Variants in ADAMTSL3 observed in about 807,000 individuals in gnomAD.
ADAMTSL3 encodes ADAMTS like 3.
ADAMTSL3 carries 128 observed loss-of-function variants against 201.7 expected under a neutral mutation model. The ratio of observed to expected loss-of-function variants is 0.63; its 90% CI spans 0.55 to 0.73. The LOEUF (loss-of-function observed/expected upper bound fraction) is 0.73. Among genes scored for constraint, ADAMTSL3 ranks in the 30% least tolerant of loss-of-function variants. ADAMTSL3 has a pLI of 0.00. For missense variants in ADAMTSL3, 1,990 were observed against 2,119.6 expected (o/e 0.94, Z 1.20); for synonymous variants, 738 against 748.4 (o/e 0.99, Z 0.23).
chr15:84,036,539 C>G (rs185201923), intron 28 of ADAMTSL3, among the ~76,000 whole-genome samples: 1 of 152,302 alleles, frequency 6.6e-6, no homozygotes, highest in East Asian at 1.9e-4. Context: ...TTGCCATGCC[C>G]TCTTCATCAG....
At chr15:83,702,612 A>G (rs1245670486) in intron 2 of ADAMTSL3, among the ~76,000 whole-genome samples, 1 of 152,114 alleles carries the variant, frequency 6.6e-6, no homozygotes. Context: ...CAGAGGGTGG[A>G]AGCCCCAAGT....
At chr15:83,715,600 A>C (rs1225041434) in intron 3 of ADAMTSL3, among the ~76,000 whole-genome samples, 1 of 152,190 alleles carries the variant, frequency 6.6e-6, no homozygotes, top group Non-Finnish European at 1.5e-5. Context: ...TCTCATCACT[A>C]TAGCTCCAGA....
chr15:83,817,635 T>C (rs1215736597), intron 5 of ADAMTSL3, among the ~76,000 whole-genome samples: 1 of 152,194 alleles, frequency 6.6e-6, no homozygotes, highest in Non-Finnish European at 1.5e-5. Flanking sequence ...TTTAATAGTT[T>C]CATCTGCTGA....
chr15:83,738,368 A>G (rs191939306), intron 3 of ADAMTSL3, among the ~76,000 whole-genome samples: 7 of 152,320 alleles, frequency 4.6e-5, no homozygotes, highest in Admixed American at 6.5e-5. Context: ...TTATGTGTAT[A>G]TAAGCAATTT....
chr15:84,025,233 C>T lies in ADAMTSL3; in HGVS notation c.4458-5C>T, dbSNP rs753656947. 4.4e-6 allele frequency: 7 copies of T among 1,588,848 alleles called. No individual in the cohort carries two copies. Among genetic ancestry groups the T allele is most frequent in the Admixed American group, 1.8e-5 (1 of 56,120 alleles). On this transcript the variant is annotated splice_region_variant and splice_polypyrimidine_tract_variant and intron_variant, in intron 26 of 29. Transcript: ENST00000286744. ...TTACTAAAGTCCTGTAGTTTTTGTT[C>T]CTAGGTGGTTCACAAGTGTGTGGTC...
intron 3 of ADAMTSL3, among the ~76,000 whole-genome samples, chr15:83,749,434 A>G (rs954583482): frequency 6.6e-6 from 1 of 152,214 alleles, no homozygotes; most frequent in African/African-American, 2.4e-5. Context: ...ACATGTCACC[A>G]TAGGAAGAAT....
chr15:83,768,453 G>A (rs2062926115), intron 3 of ADAMTSL3, among the ~76,000 whole-genome samples: 1 of 152,200 alleles, frequency 6.6e-6, no homozygotes, highest in Admixed American at 6.5e-5. Context: ...GATCATAGGT[G>A]CAATGTATAG....
chr15:83,908,950 G>A (rs1208213144), intron 15 of ADAMTSL3, among the ~76,000 whole-genome samples: 1 of 152,176 alleles, frequency 6.6e-6, no homozygotes, highest in Non-Finnish European at 1.5e-5. Context: ...TCAGTTCCAT[G>A]CATTTGTAGA....
At chr15:83,767,347 A>G (rs2062909051) in intron 3 of ADAMTSL3, among the ~76,000 whole-genome samples, 1 of 152,236 alleles carries the variant, frequency 6.6e-6, no homozygotes, top group Admixed American at 6.5e-5. Context: ...CTGGCCCCAG[A>G]CAGGGTCACA....
At chr15:83,713,143 A>G (rs927785767) in intron 3 of ADAMTSL3, among the ~76,000 whole-genome samples, 5 of 152,016 alleles carry the variant, frequency 3.3e-5, no homozygotes, top group Non-Finnish European at 7.4e-5. Context: ...GGAACTTTCT[A>G]TCAGGTTCTC....
chr15:83,818,447 C>T (rs899184322), intron 5 of ADAMTSL3, among the ~76,000 whole-genome samples: 2 of 152,176 alleles, frequency 1.3e-5, no homozygotes, highest in African/African-American at 2.4e-5. Flanking sequence ...CTGCCTCAGC[C>T]TCATGAACAG....
intron 2 of ADAMTSL3, among the ~76,000 whole-genome samples, chr15:83,673,998 A>G (rs1324396677): frequency 6.7e-6 from 1 of 149,380 alleles, no homozygotes; most frequent in Non-Finnish European, 1.5e-5. Flanking sequence ...ATTTTCTCCC[A>G]GTATGTAGCT....
intron 8 of ADAMTSL3, among the ~76,000 whole-genome samples, chr15:83,870,432 G>A (rs570783405): frequency 2.0e-5 from 3 of 152,120 alleles, no homozygotes; most frequent in Non-Finnish European, 4.4e-5. Flanking sequence ...TGTGATTTTT[G>A]TCTAAAAGAG....
chr15:83,827,196 C>T (rs568998739), intron 6 of ADAMTSL3, among the ~76,000 whole-genome samples: 54 of 152,192 alleles, frequency 3.5e-4, no homozygotes, highest in Non-Finnish European at 4.7e-4. Context: ...TTTTAATGAT[C>T]GCCATTCTAA....
At chr15:83,746,574 C>T (rs1182821916) in intron 3 of ADAMTSL3, among the ~76,000 whole-genome samples, 1 of 152,148 alleles carries the variant, frequency 6.6e-6, no homozygotes, top group Admixed American at 6.5e-5. Flanking sequence ...GTCTATTGCT[C>T]ATGTTCCTGT....
rs373629542 is a variant in ADAMTSL3, at chr15:83,943,024, A to G, written c.2432A>G (p.His811Arg). ...ELCQGPKASS[H>R]KSCARTDCPP... ...TGCCAAGGACCCAAGGCATCGTCTC[A>G]CAAGTCCTGTGCCAGGACAGACTGT... is the stretch of plus-strand genomic sequence containing the variant. Residue 811 changes from histidine (H) to arginine (R), a missense_variant, in exon 19 of 30, where the codon CAC becomes CGC. Transcript: ENST00000286744. 4 of 1,613,936 alleles carry G rather than the reference A, an allele frequency of 2.5e-6. No individual in the cohort carries two copies. In the African/African-American group the frequency reaches 5.3e-5, roughly 22 times the overall value.
In ADAMTSL3 at chr15:83,724,226, G is replaced by A. The variant is rs148554623; in HGVS notation, c.189+19718G>A. Among the ~76,000 whole-genome samples the A allele has an allele frequency of 8.6e-3, 1,310 of 151,962 alleles. 20 individuals carry two copies. Among genetic ancestry groups the A allele is most frequent in the African/African-American group, 0.03 (1,243 of 41,432 alleles). ...TGATTCTCCCGTCTCAGCCTCCCGA[G>A]TAGCTGGGATTACAGGCACACACCA... On this transcript the variant is annotated intron_variant, in intron 3 of 29. Coordinates refer to ENST00000286744, the MANE Select transcript of ADAMTSL3 (RefSeq NM_207517.3).
At chr15:83,917,448 T>TATGA (rs2066055959) in intron 16 of ADAMTSL3, among the ~76,000 whole-genome samples, 1 of 151,832 alleles carries the variant, frequency 6.6e-6, no homozygotes, top group African/African-American at 2.4e-5. Context: ...TGTATGTATG[T>TATGA]ATGTATGTAT....
intron 20 of ADAMTSL3, among the ~76,000 whole-genome samples, chr15:83,979,175 T>C (rs138856408): frequency 6.6e-6 from 1 of 152,340 alleles, no homozygotes; most frequent in African/African-American, 2.4e-5. Context: ...GCAAGAACAT[T>C]CAAGCTTCCA....
Sources: gnomAD v4.1 joint callset for allele counts (sites outside exome capture counted in the v4.1 genomes callset) on GRCh38, gnomAD v4.1.1 for gene constraint, MANE v1.5 for transcripts, NCBI Gene and HGNC (gene_info 2026-07-23, HGNC 2026-07-21) for gene names.